The following ATP2B2 variants were observed in gnomAD, a reference collection of about 807,000 sequenced individuals.
ATP2B2 encodes plasma membrane calcium-transporting ATPase 2.
A neutral mutation model predicts 120.0 loss-of-function variants in ATP2B2; 15 were observed. The observed-to-expected ratio is 0.12, with a 90% CI of 0.08 to 0.19. The LOEUF is 0.19. ATP2B2 is among the 10% of genes least tolerant of loss of function. ATP2B2 has a pLI of 1.00. For missense variants in ATP2B2, 1,045 were observed against 1,719.8 expected, an observed-to-expected ratio of 0.61 and a Z score of 6.94; for synonymous variants, 694 against 700.3, an observed-to-expected ratio of 0.99 and a Z score of 0.14.
intron 14 of ATP2B2, among the ~76,000 whole-genome samples, chr3:10,354,109 G>A (rs191147438): frequency 6.0e-4 from 92 of 152,258 alleles, no homozygotes; most frequent in African/African-American, 1.9e-3. Context: ...TGTGTGTCAA[G>A]TCTTTCCCAT....
chr3:10,595,191 G>A (rs1447747285), intron 2 of ATP2B2, among the ~76,000 whole-genome samples: 3 of 152,238 alleles, frequency 2.0e-5, no homozygotes, highest in African/African-American at 7.2e-5. Context: ...CCCGGAAGCC[G>A]TTGAAGGGCT....
chr3:10,401,701 A>C (rs376745853), intron 4 of ATP2B2, among the ~76,000 whole-genome samples: 1 of 152,222 alleles, frequency 6.6e-6, no homozygotes, highest in South Asian at 2.1e-4. Context: ...ATCCATTAAC[A>C]GTCAAATCAG....
chr3:10,618,113 G>C (rs752507355), intron 2 of ATP2B2, among the ~76,000 whole-genome samples: 1 of 152,198 alleles, frequency 6.6e-6, no homozygotes, highest in Non-Finnish European at 1.5e-5. Flanking sequence ...CCATTGTCCA[G>C]TCTTTTACAA....
chr3:10,536,393 G>T (rs1397032178), intron 2 of ATP2B2, among the ~76,000 whole-genome samples: 1 of 140,242 alleles, frequency 7.1e-6, no homozygotes. Flanking sequence ...TTATGGATTT[G>T]CTTTCCTCTT....
intron 1 of ATP2B2, among the ~76,000 whole-genome samples, chr3:10,639,692 C>T (rs1038167997): frequency 1.3e-5 from 2 of 152,206 alleles, no homozygotes; most frequent in African/African-American, 4.8e-5. Context: ...TGTTGCCACA[C>T]CTAGGCCTGA....
chr3:10,558,252 G>A (rs1184853917), intron 2 of ATP2B2, among the ~76,000 whole-genome samples: 1 of 152,172 alleles, frequency 6.6e-6, no homozygotes, highest in Non-Finnish European at 1.5e-5. Flanking sequence ...CTCCCAGGAT[G>A]GGTATGATTC....
chr3:10,700,446 ATGT>A (rs1294435464), intron 1 of ATP2B2, among the ~76,000 whole-genome samples: 5 of 152,148 alleles, frequency 3.3e-5, no homozygotes, highest in Admixed American at 3.3e-4. Context: ...CATTTCAAAG[ATGT>A]TGTGGACTTG....
rs150216690 is a variant in ATP2B2, at chr3:10,345,376, G to C, written c.2703+8C>G. 1 of 1,614,120 alleles carries C rather than the reference G, an allele frequency of 6.2e-7. No individual in the cohort carries two copies. The highest frequency in any genetic ancestry group is 8.5e-7 in the Non-Finnish European group (1 of 1,179,988). On this transcript the variant is annotated splice_region_variant and intron_variant, in intron 18 of 22. Transcript: ENST00000360273. ...CCCAGGCTTTGGTGTGGTCTCCTGC[G>C]GACCCACCTGCGTGATGCAGGCGCC...
At chr3:10,410,359 A>G (rs575604729) in intron 3 of ATP2B2, among the ~76,000 whole-genome samples, 1 of 152,322 alleles carries the variant, frequency 6.6e-6, no homozygotes, top group South Asian at 2.1e-4. Flanking sequence ...GGCTTAGCAC[A>G]CTGTAAGTGC....
At chr3:10,433,747 C>T (rs1376655889) in intron 2 of ATP2B2, among the ~76,000 whole-genome samples, 2 of 152,144 alleles carry the variant, frequency 1.3e-5, no homozygotes, top group South Asian at 2.1e-4. Flanking sequence ...AAGGTAGTTC[C>T]TAGGCACCCA....
intron 1 of ATP2B2, among the ~76,000 whole-genome samples, chr3:10,487,182 G>T (rs2065715172): frequency 6.6e-6 from 1 of 152,072 alleles, no homozygotes; most frequent in Non-Finnish European, 1.5e-5. Context: ...GAAACATGCT[G>T]GTCCCTTCCT....
At chr3:10,401,750 G>A (rs541131682) in intron 4 of ATP2B2, among the ~76,000 whole-genome samples, 1 of 152,362 alleles carries the variant, frequency 6.6e-6, no homozygotes, top group Admixed American at 6.5e-5. Flanking sequence ...CCCATTCTGA[G>A]TATTAGTGAT....
chr3:10,426,672 G>A (rs1020165740), intron 2 of ATP2B2, among the ~76,000 whole-genome samples: 8 of 152,196 alleles, frequency 5.3e-5, no homozygotes, highest in South Asian at 2.1e-4. Flanking sequence ...TTAGGTGCGC[G>A]AAGTTACTAC....
intron 2 of ATP2B2, among the ~76,000 whole-genome samples, chr3:10,618,961 G>A (rs1398538609): frequency 4.6e-5 from 7 of 152,148 alleles, no homozygotes; most frequent in Admixed American, 4.6e-4. Flanking sequence ...TGACAGGTTT[G>A]CAGGGAGGGG....
At chr3:10,685,261 A>T (rs2071490775) in intron 1 of ATP2B2, among the ~76,000 whole-genome samples, 2 of 152,240 alleles carry the variant, frequency 1.3e-5, no homozygotes, top group South Asian at 4.1e-4. Context: ...ATAAAACTGT[A>T]TTCTGAAGTC....
intron 2 of ATP2B2, among the ~76,000 whole-genome samples, chr3:10,433,897 A>AT (rs557364088): frequency 3.6e-4 from 54 of 151,236 alleles, no homozygotes; most frequent in African/African-American, 1.2e-3. Context: ...TTTATTCTGT[A>AT]TTTTTTTTTC....
At chr3:10,681,975 C>T (rs928291439) in intron 1 of ATP2B2, among the ~76,000 whole-genome samples, 6 of 152,224 alleles carry the variant, frequency 3.9e-5, no homozygotes, top group African/African-American at 9.6e-5. Context: ...CAATGTAGGG[C>T]GATCAGAGAT....
intron 12 of ATP2B2, among the ~76,000 whole-genome samples, chr3:10,362,656 C>A (rs1023385845): frequency 6.6e-6 from 1 of 152,178 alleles, no homozygotes; most frequent in Non-Finnish European, 1.5e-5. Flanking sequence ...AGGCTCAGAG[C>A]ACCTCCCCGG....
chr3:10,406,407 T>C (rs1035161381), intron 3 of ATP2B2, among the ~76,000 whole-genome samples: 12 of 152,240 alleles, frequency 7.9e-5, no homozygotes, highest in African/African-American at 2.9e-4. Context: ...GCAAGGCCGT[T>C]TCTGTCAGTG....
Sources: gnomAD v4.1 joint callset for allele counts (sites outside exome capture counted in the v4.1 genomes callset) on GRCh38, gnomAD v4.1.1 for gene constraint, MANE v1.5 for transcripts, NCBI Gene and HGNC (gene_info 2026-07-23, HGNC 2026-07-21) for gene names.